Variants in PUDP observed in about 807,000 individuals in gnomAD.
PUDP encodes pseudouridine-5'-phosphatase.
PUDP carries 8 observed loss-of-function variants against 9.4 expected under a neutral mutation model. The observed-to-expected ratio is 0.85, with a 90% confidence interval of 0.50 to 1.53. The LOEUF is 1.53. PUDP is among the 40% of genes most tolerant of loss of function. PUDP has a pLI of 0.00. For synonymous variants in PUDP, 99 were observed against 80.7 expected (o/e 1.23, Z -1.22); for missense variants, 188 against 189.7 (o/e 0.99, Z 0.05).
intron 3 of PUDP, among the ~76,000 whole-genome samples, chrX:6,923,728 TTCTCA>T (rs1463122347): frequency 9.0e-6 from 1 of 111,213 alleles, no homozygotes; most frequent in African/African-American, 3.3e-5. Context: ...CAACTGCCTC[TTCTCA>T]TCTCTTCACC....
intron 3 of PUDP, among the ~76,000 whole-genome samples, chrX:6,750,945 C>A (rs1400700837): frequency 9.0e-6 from 1 of 110,863 alleles, no homozygotes; most frequent in Non-Finnish European, 1.9e-5. Context: ...GGAGACCATC[C>A]TGGCTAACAC....
chrX:7,024,754 CTT>C (rs55692944), intron 1 of PUDP, among the ~76,000 whole-genome samples: 7 of 54,438 alleles, frequency 1.3e-4, no homozygotes, highest in African/African-American at 3.0e-4. Flanking sequence ...GCCCGGCTAA[CTT>C]TTTTTTTTTT....
chrX:6,742,797 AC>A (rs1924955957), intron 3 of PUDP, among the ~76,000 whole-genome samples: 1 of 111,840 alleles, frequency 8.9e-6, no homozygotes, highest in African/African-American at 3.3e-5. Flanking sequence ...CAAACAAAAA[AC>A]CAAAAACAAA....
intron 3 of PUDP, among the ~76,000 whole-genome samples, chrX:6,798,436 A>G (rs1925878161): frequency 8.9e-6 from 1 of 111,863 alleles, no homozygotes; most frequent in African/African-American, 3.3e-5. Flanking sequence ...ACAATGCATA[A>G]TCTCTTCCAA....
intron 3 of PUDP, among the ~76,000 whole-genome samples, chrX:6,919,385 A>G (rs6639710): frequency 0.21 from 22,895 of 110,766 alleles, 1,904 homozygotes; most frequent in Admixed American, 0.35. Context: ...GGTATTCAAA[A>G]GATGAAAAGC....
intron 2 of PUDP, among the ~76,000 whole-genome samples, chrX:7,098,275 C>T (rs928792472): frequency 1.8e-5 from 2 of 112,340 alleles, no homozygotes; most frequent in African/African-American, 6.5e-5. Flanking sequence ...AGTCCAAGAT[C>T]AAGGCATCAG....
chrX:6,965,274 C>CT (rs1478046038), intron 3 of PUDP, among the ~76,000 whole-genome samples: 1 of 42,619 alleles, frequency 2.3e-5, no homozygotes, highest in Non-Finnish European at 4.1e-5. Flanking sequence ...TAACGCAACT[C>CT]TAAGATATTT....
At chrX:6,863,478 C>G (rs1278848823) in intron 3 of PUDP, among the ~76,000 whole-genome samples, 2 of 112,102 alleles carry the variant, frequency 1.8e-5, no homozygotes, top group East Asian at 5.6e-4. Flanking sequence ...GGCTTTATGC[C>G]TCACAGGTTC....
intron 1 of PUDP, among the ~76,000 whole-genome samples, chrX:7,141,399 A>G (rs1932794192): frequency 8.8e-6 from 1 of 113,183 alleles, no homozygotes; most frequent in African/African-American, 3.2e-5. Flanking sequence ...CCAGCACAAC[A>G]TTCCCTTAAG....
At chrX:7,139,733 G>A (rs766471332) in intron 1 of PUDP, among the ~76,000 whole-genome samples, 38 of 112,201 alleles carry the variant, frequency 3.4e-4, no homozygotes, top group African/African-American at 9.4e-4. Flanking sequence ...CATCTGCAGT[G>A]TTTTTTAAAT....
At chrX:6,798,857 C>T (rs769564859) in intron 3 of PUDP, among the ~76,000 whole-genome samples, 21 of 112,203 alleles carry the variant, frequency 1.9e-4, no homozygotes, top group Non-Finnish European at 3.6e-4. Context: ...ATGATCATAG[C>T]TCACTGCAGC....
chrX:7,081,126 T>G (rs776708162), intron 2 of PUDP, among the ~76,000 whole-genome samples: 23 of 111,714 alleles, frequency 2.1e-4, no homozygotes, highest in Non-Finnish European at 3.8e-4. Flanking sequence ...TAAAGTACTT[T>G]GGTGCTATTA....
intron 3 of PUDP, among the ~76,000 whole-genome samples, chrX:6,851,373 C>T (rs1050884465): frequency 1.8e-5 from 2 of 111,103 alleles, no homozygotes; most frequent in Non-Finnish European, 3.8e-5. Flanking sequence ...GCAGACGTGT[C>T]GGTTATGATG....
intron 3 of PUDP, among the ~76,000 whole-genome samples, chrX:6,946,341 G>A (rs1214126861): frequency 1.8e-5 from 2 of 111,404 alleles, no homozygotes; most frequent in African/African-American, 3.3e-5. Flanking sequence ...TATTGAATAC[G>A]TATATTCAAC....
chrX:6,872,341 C>G (rs891731498), intron 3 of PUDP, among the ~76,000 whole-genome samples: 1 of 111,151 alleles, frequency 9.0e-6, no homozygotes, highest in Non-Finnish European at 1.9e-5. Flanking sequence ...TATAAGGACA[C>G]CAGTGTTATT....
downstream of PUDP, among the ~76,000 whole-genome samples, chrX:7,048,226 A>G (rs1403212645): frequency 8.9e-6 from 1 of 112,384 alleles, no homozygotes; most frequent in Non-Finnish European, 1.9e-5. Flanking sequence ...AGGGGCACAC[A>G]ATATATAAGC....
intron 3 of PUDP, among the ~76,000 whole-genome samples, chrX:6,853,455 T>TG (rs1569111263): frequency 6.3e-5 from 6 of 94,566 alleles, no homozygotes; most frequent in East Asian, 1.2e-3. Context: ...TTGTGTGTGT[T>TG]TTTTTTTTTA....
At chrX:6,980,928 C>G (rs769563736) in intron 1 of PUDP, among the ~76,000 whole-genome samples, 1 of 111,099 alleles carries the variant, frequency 9.0e-6, no homozygotes, top group Non-Finnish European at 1.9e-5. Flanking sequence ...GCCAATCCCC[C>G]ACAGATACCA....
At chrX:7,141,649 G>A (rs1193012292) in intron 1 of PUDP, among the ~76,000 whole-genome samples, 2 of 113,076 alleles carry the variant, frequency 1.8e-5, no homozygotes, top group Non-Finnish European at 3.7e-5. Flanking sequence ...ACACTAAACA[G>A]ATTTTCAATG....
Sources: gnomAD v4.1 joint callset for allele counts (sites outside exome capture counted in the v4.1 genomes callset) on GRCh38, gnomAD v4.1.1 for gene constraint, MANE v1.5 for transcripts, NCBI Gene and HGNC (gene_info 2026-07-23, HGNC 2026-07-21) for gene names.